CEP63: variants seen among roughly 807,000 people sequenced by gnomAD.
CEP63 encodes centrosomal protein 63.
CEP63 carries 84 observed loss-of-function variants against 89.1 expected under a neutral mutation model. The observed-to-expected ratio is 0.94, with a 90% CI of 0.79 to 1.13. The LOEUF (loss-of-function observed/expected upper bound fraction) is 1.13. Among genes scored for constraint, CEP63 ranks in the 50% most tolerant of loss-of-function variants. The pLI is 0.00. For synonymous variants in CEP63, 267 were observed against 272.5 expected (o/e 0.98, Z 0.20); for missense variants, 838 against 813.3 (o/e 1.03, Z -0.37).
Position 134,486,165 on chromosome 3 carries a change from A to G in CEP63, c.-63A>G. On this transcript the variant is annotated 5_prime_UTR_variant, in exon 1 of 15. Coordinates refer to ENST00000675561, the MANE Select transcript of CEP63 (RefSeq NM_001353108.3). The stretch of plus-strand genomic sequence containing the variant: ...GCGCCGACTACAGAGGCTGGACGTA[A>G]GCTTAGCGGTGGCGCGCGTGCGCAG... 1 of 985,540 alleles carries G rather than the reference A, an allele frequency of 1.0e-6. No individual in the cohort carries two copies. The allele number at this position is 985,540 out of a possible 1,614,324, so 61.0% of individuals were successfully genotyped here.
chr3:134,600,488 A>G, the CEP63 span, among the ~76,000 whole-genome samples: 2 of 152,184 alleles, frequency 1.3e-5, no homozygotes, highest in Non-Finnish European at 2.9e-5. Flanking sequence ...GGAACTCACA[A>G]TGATCATAAT....
intron 3 of CEP63, among the ~76,000 whole-genome samples, chr3:134,523,110 G>A (rs1322971571): frequency 6.6e-6 from 1 of 152,024 alleles, no homozygotes; most frequent in Non-Finnish European, 1.5e-5. Context: ...AATGTGAGAT[G>A]GTATTTCATT....
At chr3:134,694,548 C>T in the CEP63 span, among the ~76,000 whole-genome samples, 26 of 152,196 alleles carry the variant, frequency 1.7e-4, no homozygotes, top group Non-Finnish European at 3.1e-4. Flanking sequence ...TGTGCCTGGG[C>T]CTGTGCTGGG....
chr3:134,739,420 C>T, the CEP63 span, among the ~76,000 whole-genome samples: 1 of 152,058 alleles, frequency 6.6e-6, no homozygotes, highest in Admixed American at 6.6e-5. Flanking sequence ...ATTCTTCCTC[C>T]AGCAATCAAG....
the CEP63 span, among the ~76,000 whole-genome samples, chr3:134,681,547 C>T: frequency 2.0e-5 from 3 of 152,102 alleles, no homozygotes; most frequent in Non-Finnish European, 4.4e-5. Flanking sequence ...AGAGCCTGCT[C>T]GACTGTTTGT....
chr3:134,606,891 C>G, the CEP63 span: 1 of 983,822 alleles, frequency 1.0e-6, no homozygotes, highest in Non-Finnish European at 1.2e-6. Flanking sequence ...ATCTAGGTGC[C>G]CTCTTCCTTC....
the CEP63 span, among the ~76,000 whole-genome samples, chr3:134,653,969 C>G: frequency 3.3e-5 from 5 of 152,238 alleles, no homozygotes; most frequent in Non-Finnish European, 7.3e-5. Context: ...GCATCCTTGT[C>G]TTAGTAGCTG....
At chr3:134,537,313 G>C (rs763184775) in intron 6 of CEP63, 45 bp downstream of exon 6, 1 of 1,262,318 alleles carries the variant, frequency 7.9e-7, no homozygotes, top group South Asian at 1.2e-5. Flanking sequence ...GATAGGTTTT[G>C]ATCAAGTTTG....
At chr3:134,748,268 T>G in the CEP63 span, among the ~76,000 whole-genome samples, 1 of 152,200 alleles carries the variant, frequency 6.6e-6, no homozygotes, top group Non-Finnish European at 1.5e-5. Flanking sequence ...CTGGGATCAC[T>G]TCCTAAATAA....
the CEP63 span, among the ~76,000 whole-genome samples, chr3:134,690,743 A>T: frequency 7.5e-5 from 9 of 120,796 alleles, no homozygotes; most frequent in African/African-American, 2.4e-4. Flanking sequence ...GAAGACCAAG[A>T]TTTTTTTTTT....
At chr3:134,733,679 C>G in the CEP63 span, among the ~76,000 whole-genome samples, 2 of 151,566 alleles carry the variant, frequency 1.3e-5, no homozygotes, top group Admixed American at 1.3e-4. Flanking sequence ...AGCTTCAAAC[C>G]AAGGAACATC....
intron 12 of CEP63, among the ~76,000 whole-genome samples, chr3:134,555,911 G>A (rs1162477348): frequency 6.6e-6 from 1 of 151,800 alleles, no homozygotes; most frequent in Non-Finnish European, 1.5e-5. Context: ...GCATGGTACT[G>A]GTACCAAAAA....
the CEP63 span, among the ~76,000 whole-genome samples, chr3:134,672,171 C>T: frequency 2.0e-5 from 3 of 152,198 alleles, no homozygotes; most frequent in African/African-American, 7.2e-5. Flanking sequence ...CATACTATCA[C>T]CCAGTCACTG....
At chr3:134,716,818 C>G in the CEP63 span, among the ~76,000 whole-genome samples, 1 of 152,190 alleles carries the variant, frequency 6.6e-6, no homozygotes, top group African/African-American at 2.4e-5. Flanking sequence ...TACACCCTTT[C>G]AGTTGGTTAG....
At chr3:134,688,722 C>T in the CEP63 span, among the ~76,000 whole-genome samples, 7 of 152,158 alleles carry the variant, frequency 4.6e-5, no homozygotes, top group African/African-American at 1.7e-4. Context: ...AAGACAGGAA[C>T]CTCAGAGACT....
intron 6 of CEP63, 113 bp downstream of exon 6, chr3:134,537,381 A>G (rs528092921): frequency 8.3e-6 from 6 of 720,846 alleles, no homozygotes; most frequent in African/African-American, 7.0e-5. Flanking sequence ...CTCTCCACGA[A>G]CCCTGCTCTC....
the CEP63 span, among the ~76,000 whole-genome samples, chr3:134,729,285 G>T: frequency 6.6e-6 from 1 of 152,080 alleles, no homozygotes; most frequent in Non-Finnish European, 1.5e-5. Context: ...CTTGTGTATT[G>T]TTTATGTAAA....
chr3:134,735,384 C>T, the CEP63 span, among the ~76,000 whole-genome samples: 4 of 152,106 alleles, frequency 2.6e-5, no homozygotes, highest in Admixed American at 2.6e-4. Flanking sequence ...CATGTATTTT[C>T]TCTGTAAGGC....
At chr3:134,541,151 A>G (rs1014607722) in intron 6 of CEP63, among the ~76,000 whole-genome samples, 2 of 152,144 alleles carry the variant, frequency 1.3e-5, no homozygotes, top group African/African-American at 2.4e-5. Context: ...GCCCTTTGCT[A>G]TTATGTTACA....
Sources: gnomAD v4.1 joint callset for allele counts (sites outside exome capture counted in the v4.1 genomes callset) on GRCh38, gnomAD v4.1.1 for gene constraint, MANE v1.5 for transcripts, NCBI Gene and HGNC (gene_info 2026-07-23, HGNC 2026-07-21) for gene names.